The following OBSL1 variants were observed in gnomAD, a reference collection of about 807,000 sequenced individuals.
OBSL1 encodes the protein obscurin like cytoskeletal adaptor 1, also known as obscurin-like protein 1.
Under a neutral mutation model 172.0 loss-of-function variants are expected in OBSL1, and 160 were observed. The observed-to-expected ratio is 0.93, with a 90% CI of 0.82 to 1.06. The LOEUF is 1.06. Among genes scored for constraint, OBSL1 ranks in the 50% least tolerant of loss-of-function variants. The pLI is 0.00. For missense variants in OBSL1, 2,681 were observed against 2,715.4 expected (o/e 0.99, Z 0.28); for synonymous variants, 1,200 against 1,196.3 (o/e 1.00, Z -0.06).
At chr2:219,564,482 T>C (rs1219640599) in intron 6 of OBSL1, among the ~76,000 whole-genome samples, 1 of 152,206 alleles carries the variant, frequency 6.6e-6, no homozygotes, top group Admixed American at 6.5e-5. Flanking sequence ...GAAGATTAAA[T>C]GAAAGAGTGT....
rs1192049617 is a variant in OBSL1 at position 219,557,448 on chromosome 2, C to T, written c.3961G>A (p.Gly1321Arg). The T allele has an allele frequency of 3.9e-5, 61 of 1,548,518 alleles. No individual in the cohort carries two copies. Among genetic ancestry groups the T allele is most frequent in the Non-Finnish European group, 5.1e-5 (58 of 1,147,146 alleles). Residue 1321 changes from glycine (G) to arginine (R), a missense_variant, in exon 12 of 21, where the codon GGG (glycine) becomes AGG (arginine). Physicochemically the swap from Gly to Arg is moderately radical, Grantham distance 125. Coordinates refer to ENST00000404537, the MANE Select transcript of OBSL1 (RefSeq NM_015311.3). ...SQGRVQLEQA[G>R]ARQVLRVQGA... ...TGCACCCGCAGCACCTGCCTGGCCC[C>T]GGCCTGCTCCAGCTGCACCCGCCCC...
At position 219,563,420 on chromosome 2, in the gene OBSL1, G is replaced by C; in HGVS notation, c.2615C>G (p.Ser872Ter). The C allele has an allele frequency of 6.2e-7, 1 of 1,610,968 alleles. No individual in the cohort carries two copies. The highest frequency in any genetic ancestry group is 2.2e-5 in the East Asian group (1 of 44,798). Reference sequence around the variant, plus strand: ...GACGCACTGAAACTCGCCCCCGTCTGAGGGCTGGGTGGCGGGCAGCACCAG... The same window carrying C: ...GACGCACTGAAACTCGCCCCCGTCTCAGGGCTGGGTGGCGGGCAGCACCAG... ...RRLVLPATQP[S>*]DGGEFQCVAG... The change falls in exon 7 of 21, where the codon TCA becomes TGA. Residue 872 changes from serine to a stop codon, truncating the protein, a stop_gained. Coordinates refer to ENST00000404537, the MANE Select transcript of OBSL1 (RefSeq NM_015311.3). LOFTEE classifies it high-confidence loss of function.
At chr2:219,547,948 G>A (rs763749007), downstream of OBSL1, 31 of 1,591,196 alleles carry the variant, frequency 1.9e-5, no homozygotes, top group South Asian at 2.0e-4. Context: ...ACGTGGTGGA[G>A]CGACTCCGGG....
rs912563390 is a variant in OBSL1, at chr2:219,552,875, G to C, written c.5139C>G (p.Thr1713=). 45 of 1,542,584 alleles carry C rather than the reference G, an allele frequency of 2.9e-5. No homozygotes were observed. Among genetic ancestry groups the C allele is most frequent in the Non-Finnish European group, 3.7e-5 (42 of 1,145,372 alleles). ...ACATCACCCCGTACCCACCGCGCAC[G>C]GTCAGGCGGACCGGTCCGGCGCGGG... is the stretch of plus-strand genomic sequence containing the variant. ...GTARAGPVRL[T]VRERTVAVLS... Residue 1713 remains threonine, a synonymous_variant, in exon 17 of 21, where the codon ACC becomes ACG. Transcript: ENST00000404537.
In OBSL1 at chr2:219,554,589, G is replaced by A. The variant is rs1213847931; in HGVS notation, c.4761C>T (p.Ile1587=). 1.2e-6 allele frequency: 2 copies of A among 1,613,332 alleles called. No homozygotes were observed. The highest frequency in any genetic ancestry group is 1.1e-5 in the South Asian group (1 of 91,056). The change falls in exon 15 of 21, where the codon ATC becomes ATT. Residue 1587 remains isoleucine, a synonymous_variant. Coordinates refer to ENST00000404537, the MANE Select transcript of OBSL1 (RefSeq NM_015311.3). ...GTCGGTGACGGTGGCCGTCCGAGTG[G>A]ATGTGACACTTGGGTCCTGGATACA... The part of the protein sequence containing the change: ...VQLYPGPKCH[I]HSDGHRHRLV...
intron 4 of OBSL1, 45 bp from the exon 5 acceptor site, chr2:219,567,171 C>T: frequency 6.3e-7 from 1 of 1,591,036 alleles, no homozygotes; most frequent in South Asian, 1.1e-5. Context: ...GAAGGTGTGG[C>T]AGAGGGCAGA....
Position 219,552,113 on chromosome 2 carries a change from C to G in OBSL1, c.5412G>C (p.Glu1804Asp). ...GTCGCTCCCACCCCAGGTGCTTACC[C>G]TCCACTTCCAGTAGAGCCAGGGACT... ...PAQSLALLEV[E>D]ALPLQMCRHP... The change falls in exon 19 of 21, where the codon GAG becomes GAC. Residue 1804 changes from glutamate (E) to aspartate (D), a missense_variant and splice_region_variant. This residue lies in a region of OBSL1 where 1,765 missense variants were observed against 1,748.3 expected (regional missense o/e 1.01). Coordinates refer to ENST00000404537, the MANE Select transcript of OBSL1 (RefSeq NM_015311.3). 6.2e-7 allele frequency: 1 copy of G among 1,607,466 alleles called. No individual in the cohort carries two copies. The highest frequency in any genetic ancestry group is 2.2e-5 in the East Asian group (1 of 44,572).
chr2:219,567,431 G>C lies in OBSL1; in HGVS notation c.1679C>G (p.Ser560Cys). The change falls in exon 4 of 21, where the codon TCT (serine) becomes TGT (cysteine). Residue 560 changes from serine (S) to cysteine (C), a missense_variant. Physicochemically the swap from Ser to Cys is moderately radical, Grantham distance 112. Coordinates refer to ENST00000404537, the MANE Select transcript of OBSL1 (RefSeq NM_015311.3). ...IYRLERQEVGSEDWIQCFSIE... is the reference protein window; with the variant it reads ...IYRLERQEVGCEDWIQCFSIE... ...GCTGAAGCACTGAATCCAGTCTTCA[G>C]AGCCCACTTCCTGCCGCTCCAGCCG... The C allele has an allele frequency of 1.9e-6, 3 of 1,613,084 alleles. No homozygotes were observed. The highest frequency in any genetic ancestry group is 3.3e-4 in the Middle Eastern group (2 of 6,060).
At chr2:219,554,259 C>G in intron 15 of OBSL1, 1 of 613,762 alleles carries the variant, frequency 1.6e-6, no homozygotes, top group Non-Finnish European at 2.8e-6. Context: ...GTTGGCTGAG[C>G]CTTGGGCAGT....
rs1324574441 is a variant in OBSL1, at chr2:219,554,628, C to T, written c.4722G>A (p.Arg1574=). Residue 1574 remains arginine (R), a synonymous_variant, in exon 15 of 21, where the codon CGG becomes CGA. Transcript: ENST00000404537. ...SQEGVTGEWA[R]GGVQLYPGPK... is the part of the protein sequence containing the mutation. ...GTCCTGGATACAGCTGTACTCCACC[C>T]CGGGCCCACTCCCCGGTCACACCTT... The T allele has an allele frequency of 1.2e-6, 2 of 1,611,744 alleles. No individual in the cohort carries two copies. Among genetic ancestry groups the T allele is most frequent in the African/African-American group, 2.7e-5 (2 of 74,884 alleles).
At chr2:219,552,292 G>T in intron 18 of OBSL1, 76 bp from the exon 19 acceptor site, 1 of 1,382,880 alleles carries the variant, frequency 7.2e-7, no homozygotes, top group Non-Finnish European at 1.0e-6. Flanking sequence ...GGGCCCAGCA[G>T]GCCCCTGGGT....
At chr2:219,560,262 T>C (rs543977296) in intron 8 of OBSL1, among the ~76,000 whole-genome samples, 2 of 152,256 alleles carry the variant, frequency 1.3e-5, no homozygotes, top group African/African-American at 2.4e-5. Flanking sequence ...GGAAATACCC[T>C]CTGTTAAAGG....
In OBSL1 at chr2:219,568,178, C is replaced by T. The variant is rs1024136048; in HGVS notation, c.1159G>A (p.Glu387Lys). The change falls in exon 2 of 21, where the codon GAG becomes AAG. Residue 387 changes from glutamate (E) to lysine (K), a missense_variant. Physicochemically the swap from Glu to Lys is moderately conservative, Grantham distance 56. This residue lies in a region of OBSL1 where 706 missense variants were observed against 695.8 expected (regional missense o/e 1.01). Coordinates refer to ENST00000404537, the MANE Select transcript of OBSL1 (RefSeq NM_015311.3). This position sits in a 1 kb window ranked among gnomAD's most constrained non-coding sequence, Gnocchi z 4.1. Reference sequence around the variant, plus strand: ...CGGACAGTGCCCTCTTCGATCTGCTCGTACTTGCGGCAGGGCAGCAGCCGC... The same window carrying T: ...CGGACAGTGCCCTCTTCGATCTGCTTGTACTTGCGGCAGGGCAGCAGCCGC... ...DQRLLPCRKY[E>K]QIEEGTVRRL... The T allele has an allele frequency of 1.2e-6, 2 of 1,613,762 alleles. No individual in the cohort carries two copies. The highest frequency in any genetic ancestry group is 1.1e-5 in the South Asian group (1 of 91,082).
At chr2:219,565,633 C>T (rs1038441030) in intron 5 of OBSL1, 119 bp from the exon 6 acceptor site, 9 of 935,608 alleles carry the variant, frequency 9.6e-6, no homozygotes, top group Non-Finnish European at 1.3e-5. Flanking sequence ...TAGGCTTCCA[C>T]ACCAACCCTT....
In OBSL1 at chr2:219,570,462, C is replaced by A; in HGVS notation, c.771G>T (p.Val257=). 1 of 1,613,082 alleles carries A rather than the reference C, an allele frequency of 6.2e-7. No individual in the cohort carries two copies. The highest frequency in any genetic ancestry group is 8.5e-7 in the Non-Finnish European group (1 of 1,179,556). Residue 257 remains valine (V), a synonymous_variant, in exon 1 of 21, where the codon GTG becomes GTT. Transcript: ENST00000404537. Reference sequence around the variant, plus strand: ...GGAACTTGGCGTGCTTGCCCTCGTTCACCCAGAAGGTCTTAGGCGCGCACT... The same window carrying A: ...GGAACTTGGCGTGCTTGCCCTCGTTAACCCAGAAGGTCTTAGGCGCGCACT... ...PLKCAPKTFW[V]NEGKHAKFRC...
Position 219,570,978 on chromosome 2 carries a change from G to T in OBSL1, c.255C>A (p.Arg85=), listed in dbSNP as rs765912997. 1.0e-4 allele frequency: 134 copies of T among 1,295,482 alleles called. No individual in the cohort carries two copies. Among genetic ancestry groups the T allele is most frequent in the Non-Finnish European group, 1.3e-4 (129 of 1,028,898 alleles). 80.2% of individuals were successfully genotyped at this position (1,295,482 alleles called of 1,614,324 possible). ...LPTDAGVYVC[R]ARNAAGEAYA... is the part of the protein sequence containing the mutation. ...AGGCCTCGCCGGCCGCGTTGCGGGC[G>T]CGGCACACGTAGACCCCCGCGTCGG... Residue 85 remains arginine, a synonymous_variant, in exon 1 of 21, where the codon CGC becomes CGA. Transcript: ENST00000404537.
At chr2:219,552,800 C>G in intron 17 of OBSL1, 68 bp downstream of exon 17, 2 of 1,525,966 alleles carry the variant, frequency 1.3e-6, no homozygotes, top group Non-Finnish European at 1.8e-6. Flanking sequence ...CATCAGGGTC[C>G]GGGGAAGACA....
intron 16 of OBSL1, 70 bp from the exon 17 acceptor site, chr2:219,553,094 G>A: frequency 7.1e-7 from 1 of 1,406,140 alleles, no homozygotes; most frequent in Non-Finnish European, 9.2e-7. Flanking sequence ...CCTGGCAGGC[G>A]GCGCACCCTT....
rs770758449 is a variant in OBSL1 at position 219,551,660 on chromosome 2, C to T, written c.5552G>A (p.Gly1851Glu). ...WLREGAELCPGDKYEMRSHGP... is the reference protein window; with the variant it reads ...WLREGAELCPEDKYEMRSHGP... Reference sequence around the variant, plus strand: ...GTGGCTGCGCATCTCATACTTATCTCCCGGGCACAGCTCGGCCCCCTCCCG... The same window carrying T: ...GTGGCTGCGCATCTCATACTTATCTTCCGGGCACAGCTCGGCCCCCTCCCG... The change falls in exon 20 of 21, where the codon GGA becomes GAA. Residue 1851 changes from glycine (G) to glutamate (E), a missense_variant. Coordinates refer to ENST00000404537, the MANE Select transcript of OBSL1 (RefSeq NM_015311.3). 1 of 1,611,826 alleles carries T rather than the reference C, an allele frequency of 6.2e-7. No homozygotes were observed. The highest frequency in any genetic ancestry group is 1.7e-5 in the Admixed American group (1 of 59,858).
Sources: allele counts gnomAD v4.1 joint callset (sites outside exome capture counted in the v4.1 genomes callset), GRCh38; gene constraint gnomAD v4.1.1; regional missense constraint gnomAD v4.1.1; non-coding constraint Gnocchi (gnomAD v3.1); transcripts MANE v1.5; gene names NCBI Gene and HGNC (gene_info 2026-07-23, HGNC 2026-07-21).